Variants in LYST observed in about 807,000 individuals in gnomAD.
The protein encoded by LYST is lysosomal trafficking regulator, also known as lysosomal-trafficking regulator.
LYST carries 192 observed loss-of-function variants against 413.6 expected under a neutral mutation model. The ratio of observed to expected loss-of-function variants is 0.46; its 90% CI spans 0.41 to 0.52. The LOEUF is 0.52. Among genes scored for constraint, LYST ranks in the 20% least tolerant of loss-of-function variants. LYST has a pLI of 0.00. For synonymous variants in LYST, 1,525 were observed against 1,567.3 expected, an observed-to-expected ratio of 0.97 and a Z score of 0.64; for missense variants, 3,815 against 4,499.9, an observed-to-expected ratio of 0.85 and a Z score of 4.35.
intron 3 of LYST, among the ~76,000 whole-genome samples, chr1:235,813,407 A>G (rs1230167199): frequency 6.6e-6 from 1 of 152,244 alleles, no homozygotes; most frequent in African/African-American, 2.4e-5. Context: ...CCTATTAATT[A>G]GCAAAGCAAT....
chr1:235,811,729 G>C (rs1298145704), intron 4 of LYST, among the ~76,000 whole-genome samples: 3 of 152,114 alleles, frequency 2.0e-5, no homozygotes, highest in Non-Finnish European at 4.4e-5. Context: ...CTAAGACAGG[G>C]AAAGCAAACC....
chr1:235,721,338 G>GAGTGATAAT (rs1663352754), intron 39 of LYST, among the ~76,000 whole-genome samples: 1 of 152,108 alleles, frequency 6.6e-6, no homozygotes, highest in South Asian at 2.1e-4. Context: ...TATAATATGG[G>GAGTGATAAT]AGTGATAATA....
intron 3 of LYST, among the ~76,000 whole-genome samples, chr1:235,815,277 C>G (rs1176143299): frequency 6.6e-6 from 1 of 152,106 alleles, no homozygotes; most frequent in African/African-American, 2.4e-5. Context: ...CCTCATGAAG[C>G]CTACTTCCTA....
intron 48 of LYST, 138 bp from the exon 49 acceptor site, chr1:235,677,757 C>T (rs1659497696): frequency 3.4e-6 from 2 of 588,214 alleles, no homozygotes; most frequent in African/African-American, 1.9e-5. Flanking sequence ...CAGAGTAAAA[C>T]AAAGAAAGAA....
At chr1:235,747,600 A>T (rs913513935) in intron 28 of LYST, among the ~76,000 whole-genome samples, 1 of 152,136 alleles carries the variant, frequency 6.6e-6, no homozygotes, top group Non-Finnish European at 1.5e-5. Flanking sequence ...GTCAAACAAT[A>T]TACTTAGTTT....
chr1:235,864,708 G>C (rs1026260999), intron 1 of LYST, among the ~76,000 whole-genome samples: 4 of 152,200 alleles, frequency 2.6e-5, no homozygotes, highest in African/African-American at 9.7e-5. Context: ...AAGGTGGATG[G>C]ATCGCTTGAG....
At chr1:235,804,924 C>T (rs994056459) in intron 6 of LYST, among the ~76,000 whole-genome samples, 2 of 152,116 alleles carry the variant, frequency 1.3e-5, no homozygotes, top group Non-Finnish European at 2.9e-5. Flanking sequence ...AGAAATGAAG[C>T]TAAGCGAAGA....
chr1:235,818,350 G>C (rs558422613), intron 3 of LYST, among the ~76,000 whole-genome samples: 1 of 152,106 alleles, frequency 6.6e-6, no homozygotes, highest in Non-Finnish European at 1.5e-5. Context: ...ATACTTCTCA[G>C]TCTTCTCTCA....
chr1:235,833,393 T>C (rs966524580), intron 2 of LYST, among the ~76,000 whole-genome samples, 185 bp downstream of exon 2: 7 of 152,172 alleles, frequency 4.6e-5, no homozygotes, highest in African/African-American at 1.7e-4. Context: ...CTTAATGTTA[T>C]GTTCATTCCA....
At chr1:235,688,984 A>T (rs906836861) in intron 47 of LYST, among the ~76,000 whole-genome samples, 1 of 135,930 alleles carries the variant, frequency 7.4e-6, no homozygotes, top group Non-Finnish European at 1.6e-5. Flanking sequence ...ACTCCGTCTC[A>T]AATAATAATA....
Position 235,702,908 on chromosome 1 carries a change from T to C in LYST, c.10213A>G (p.Lys3405Glu). Residue 3405 changes from lysine to glutamate, a missense_variant, in exon 45 of 53, where the codon AAA becomes GAA. Transcript: ENST00000389793. Reference sequence around the variant, plus strand: ...TGACGGGGAGTCTGCCCGTAGGTTTTTATCATGGTTTCTAGCGCTCGTCTC... The same window carrying C: ...TGACGGGGAGTCTGCCCGTAGGTTTCTATCATGGTTTCTAGCGCTCGTCTC... The part of the protein sequence containing the change: ...VQRRALETMI[K>E]TYGQTPRQLF... 6.2e-7 allele frequency: 1 copy of C among 1,614,176 alleles called. No homozygotes were observed. Among genetic ancestry groups the C allele is most frequent in the Non-Finnish European group, 8.5e-7 (1 of 1,180,020 alleles).
intron 47 of LYST, among the ~76,000 whole-genome samples, chr1:235,690,740 G>A (rs1660577366): frequency 6.6e-6 from 1 of 152,096 alleles, no homozygotes; most frequent in Non-Finnish European, 1.5e-5. Flanking sequence ...ATACATTTTA[G>A]GACACATGAT....
intron 10 of LYST, among the ~76,000 whole-genome samples, chr1:235,800,050 G>A (rs987023562): frequency 6.4e-5 from 9 of 139,566 alleles, no homozygotes; most frequent in Middle Eastern, 3.8e-3. Flanking sequence ...TTGGCCTCCT[G>A]GGCCTAAGCG....
At chr1:235,741,352 G>T in intron 31 of LYST, 70 bp downstream of exon 31, 1 of 1,279,308 alleles carries the variant, frequency 7.8e-7, no homozygotes. Flanking sequence ...TTTAATTTCA[G>T]TTCTTGTTTT....
At position 235,788,752 on chromosome 1, in the gene LYST, G is replaced by A. The variant is rs142983846; in HGVS notation, c.4637C>T (p.Ala1546Val). The A allele has an allele frequency of 1.5e-4, 250 of 1,613,634 alleles. No homozygotes were observed. The African/African-American group carries it at 2.6e-3, about 17-fold the overall frequency. Residue 1546 changes from alanine to valine, a missense_variant, in exon 13 of 53, where the codon GCG becomes GTG. Transcript: ENST00000389793. ...ATCAGCCCACACTTGGATCATCAACGCTTTGGATCCCAGTGAAATTATATG... is the reference window on the plus strand; with the variant it reads ...ATCAGCCCACACTTGGATCATCAACACTTTGGATCCCAGTGAAATTATATG... ...CIHIISLGSKALMIQVWADPH... is the reference protein window; with the variant it reads ...CIHIISLGSKVLMIQVWADPH...
At chr1:235,731,248 T>G in intron 34 of LYST, 71 bp from the exon 35 acceptor site, 2 of 1,373,126 alleles carry the variant, frequency 1.5e-6, no homozygotes, top group Non-Finnish European at 2.1e-6. Context: ...AAAATCATTA[T>G]AGAGATTGAG....
In LYST at chr1:235,792,025, C is replaced by T. The variant is rs758758700; in HGVS notation, c.4217G>A (p.Ser1406Asn). 6.2e-7 allele frequency: 1 copy of T among 1,614,052 alleles called. No individual in the cohort carries two copies. Among genetic ancestry groups the T allele is most frequent in the Non-Finnish European group, 8.5e-7 (1 of 1,179,966 alleles). Reference sequence around the variant, plus strand: ...ATACTTTTGTGATGAAACACCGTTGCTTAAATTTGGAGCGTGCAGTAAAGG... The same window carrying T: ...ATACTTTTGTGATGAAACACCGTTGTTTAAATTTGGAGCGTGCAGTAAAGG... ...TFPLLHAPNL[S>N]NGVSSQKYPG... is the part of the protein sequence containing the mutation. The change falls in exon 12 of 53, where the codon AGC becomes AAC. Residue 1406 changes from serine (S) to asparagine (N), a missense_variant. Ser to Asn is a conservative substitution (Grantham distance 46). This residue lies in a region of LYST where 1,648 missense variants were observed against 1,810.3 expected (regional missense o/e 0.91). Transcript: ENST00000389793.
intron 31 of LYST, chr1:235,737,917 G>GTAA: frequency 2.6e-6 from 3 of 1,160,142 alleles, no homozygotes; most frequent in Admixed American, 4.4e-5. Context: ...CTGCCGACGA[G>GTAA]TCTGGATCTC....
At chr1:235,830,907 C>G (rs1675900317) in intron 2 of LYST, among the ~76,000 whole-genome samples, 1 of 152,074 alleles carries the variant, frequency 6.6e-6, no homozygotes, top group Non-Finnish European at 1.5e-5. Context: ...TGAATAAAAA[C>G]TGAAAAATTC....
Sources: gnomAD v4.1 joint callset for allele counts (sites outside exome capture counted in the v4.1 genomes callset) on GRCh38, gnomAD v4.1.1 for gene constraint, gnomAD v4.1.1 regional missense constraint, MANE v1.5 for transcripts, NCBI Gene and HGNC (gene_info 2026-07-23, HGNC 2026-07-21) for gene names.